Variants in DPYSL2 observed in about 807,000 individuals in gnomAD.
DPYSL2 encodes dihydropyrimidinase like 2.
DPYSL2 carries 13 observed loss-of-function variants against 69.9 expected under a neutral mutation model. That is an observed-to-expected ratio of 0.19 (90% CI 0.12 to 0.30). The LOEUF (loss-of-function observed/expected upper bound fraction) is 0.30. DPYSL2 is among the 10% of genes least tolerant of loss of function. DPYSL2 has a pLI of 1.00. For synonymous variants in DPYSL2, 326 were observed against 359.1 expected (o/e 0.91, Z 1.04); for missense variants, 587 against 918.9 (o/e 0.64, Z 4.67).
At chr8:26,551,345 C>T (rs1290896822) in intron 1 of DPYSL2, among the ~76,000 whole-genome samples, 1 of 152,132 alleles carries the variant, frequency 6.6e-6, no homozygotes, top group Admixed American at 6.5e-5. Flanking sequence ...TAAAGAGGGG[C>T]ACAACGTAAT....
chr8:26,550,670 T>G (rs1166665450), intron 1 of DPYSL2, among the ~76,000 whole-genome samples: 1 of 152,140 alleles, frequency 6.6e-6, no homozygotes, highest in Non-Finnish European at 1.5e-5. Context: ...AGATGACAAG[T>G]GGCTTATTAG....
rs1188204203 is a variant in DPYSL2 at position 26,621,689 on chromosome 8, G to A, written c.629-2454G>A. The stretch of plus-strand genomic sequence containing the variant: ...GGATGAGGAGATGCCCAAGTCAAGA[G>A]CGAGGGGAATGGGTTTCCAGAGAGA... On this transcript the variant is annotated intron_variant, in intron 3 of 13. Transcript: ENST00000521913. The surrounding 1 kb of genome is among the most constrained non-coding windows in gnomAD (Gnocchi z 4.9). 1.3e-5 allele frequency among the ~76,000 whole-genome samples: 2 copies of A among 152,156 alleles called. No homozygotes were observed. The highest frequency in any genetic ancestry group is 2.9e-5 in the Non-Finnish European group (2 of 68,040).
At chr8:26,570,490 C>A (rs1801218904) in intron 1 of DPYSL2, among the ~76,000 whole-genome samples, 1 of 152,168 alleles carries the variant, frequency 6.6e-6, no homozygotes, top group African/African-American at 2.4e-5. Flanking sequence ...CCTGTAATCC[C>A]AACACTGGGA....
chr8:26,567,166 A>C (rs899465227), intron 1 of DPYSL2, among the ~76,000 whole-genome samples: 1 of 150,362 alleles, frequency 6.7e-6, no homozygotes, highest in Non-Finnish European at 1.5e-5. Flanking sequence ...CCATCCATCC[A>C]TCCATCCATC....
In DPYSL2 at chr8:26,533,640, C is replaced by A. The variant is rs201057062; in HGVS notation, c.354+18961C>A. Among the ~76,000 whole-genome samples, 1 of 152,148 alleles carries A rather than the reference C, an allele frequency of 6.6e-6. No homozygotes were observed. On this transcript the variant is annotated intron_variant, in intron 1 of 13. Coordinates refer to ENST00000521913, the MANE Select transcript of DPYSL2 (RefSeq NM_001197293.3). This position sits in a 1 kb window ranked among gnomAD's most constrained non-coding sequence, Gnocchi z 4.8. ...TTAGCAAAAGCATTTTAGGAGATGG[C>A]AAGAAACTAGAGACAAAACATTGCC...
At chr8:26,607,443 A>C (rs1802130852) in intron 3 of DPYSL2, among the ~76,000 whole-genome samples, 1 of 150,146 alleles carries the variant, frequency 6.7e-6, no homozygotes, top group Admixed American at 6.7e-5. Flanking sequence ...AGATTGCGCC[A>C]CTGCACTGTA....
At chr8:26,548,941 C>A (rs968283545) in intron 1 of DPYSL2, among the ~76,000 whole-genome samples, 3 of 152,092 alleles carry the variant, frequency 2.0e-5, no homozygotes, top group East Asian at 1.9e-4. Context: ...ATAATCCCAG[C>A]ACTTTGGGAA....
chr8:26,622,172 T>TCTTA (rs1802507665), intron 3 of DPYSL2, among the ~76,000 whole-genome samples: 1 of 143,452 alleles, frequency 7.0e-6, no homozygotes, highest in African/African-American at 2.7e-5. Flanking sequence ...TCTCTCTCTT[T>TCTTA]CTTTCTTTCT....
rs978106181 is a variant in DPYSL2, at chr8:26,597,365, A to T, written c.628+13382A>T. Among the ~76,000 whole-genome samples the T allele has an allele frequency of 5.3e-5, 8 of 152,228 alleles. No individual in the cohort carries two copies. Among genetic ancestry groups the T allele is most frequent in the Non-Finnish European group, 1.2e-4 (8 of 68,048 alleles). On this transcript the variant is annotated intron_variant, in intron 3 of 13. Transcript: ENST00000521913. The surrounding 1 kb of genome is among the most constrained non-coding windows in gnomAD (Gnocchi z 5.2). ...GTTGCCTTGCCCTTGCCTGGCACTC[A>T]TCTTTTGCATTTCTCTGAATCGCTT...
At chr8:26,636,668 T>C (rs953306035) in intron 8 of DPYSL2, among the ~76,000 whole-genome samples, 2 of 152,114 alleles carry the variant, frequency 1.3e-5, no homozygotes, top group East Asian at 3.9e-4. Context: ...CTGGAGTGTG[T>C]TGTTGCGGTG....
At chr8:26,607,729 G>A (rs1012914177) in intron 3 of DPYSL2, among the ~76,000 whole-genome samples, 4 of 151,818 alleles carry the variant, frequency 2.6e-5, no homozygotes, top group Admixed American at 6.6e-5. Context: ...GGTTGAGGCT[G>A]CAGTGAGCTA....
intron 7 of DPYSL2, among the ~76,000 whole-genome samples, chr8:26,630,281 C>T (rs1802739240): frequency 6.6e-6 from 1 of 152,208 alleles, no homozygotes. Context: ...TGACTGCCCT[C>T]GCCAGATTCC....
chr8:26,644,173 C>T lies in DPYSL2; in HGVS notation c.1425+82C>T. On this transcript the variant is annotated intron_variant, in intron 10 of 13. Coordinates refer to ENST00000521913, the MANE Select transcript of DPYSL2 (RefSeq NM_001197293.3). The surrounding 1 kb of genome is among the most constrained non-coding windows in gnomAD (Gnocchi z 4.5). ...CTGGGGGCCATGGGGCTCATGGAGGCCTTGAAATGACAGACAGTGGAGGAC... is the reference window on the plus strand; with the variant it reads ...CTGGGGGCCATGGGGCTCATGGAGGTCTTGAAATGACAGACAGTGGAGGAC... The T allele has an allele frequency of 2.6e-6, 4 of 1,515,128 alleles. No individual in the cohort carries two copies. The highest frequency in any genetic ancestry group is 3.6e-6 in the Non-Finnish European group (4 of 1,125,072). 93.9% of individuals were successfully genotyped at this position (1,515,128 alleles called of 1,614,324 possible).
Position 26,656,471 on chromosome 8 carries a change from C to A in DPYSL2, c.*765C>A, listed in dbSNP as rs980624472. ...CTTTTACCATTTTTCTGCGTGCTCT[C>A]ACTCTCTCTTTCTCTCTCTAGCTTT... On this transcript the variant is annotated 3_prime_UTR_variant, in exon 14 of 14. Transcript: ENST00000521913. 5 of 152,216 alleles carry A rather than the reference C, an allele frequency of 3.3e-5. No homozygotes were observed. Among genetic ancestry groups the A allele is most frequent in the African/African-American group, 4.8e-5 (2 of 41,316 alleles). 9.4% of individuals were successfully genotyped at this position (152,216 alleles called of 1,614,324 possible).
rs10503787 is a variant in DPYSL2, at chr8:26,562,544, C to G, written c.355-19425C>G. On this transcript the variant is annotated intron_variant, in intron 1 of 13. Coordinates refer to ENST00000521913, the MANE Select transcript of DPYSL2 (RefSeq NM_001197293.3). This position sits in a 1 kb window ranked among gnomAD's most constrained non-coding sequence, Gnocchi z 4.9. ...AGTATTGGTCAGATTTTGTTGTTCC[C>G]GATTAGAATGCTTAAATGGTTTCGT... 6.6e-6 allele frequency among the ~76,000 whole-genome samples: 1 copy of G among 152,142 alleles called. No individual in the cohort carries two copies. Among genetic ancestry groups the G allele is most frequent in the South Asian group, 2.1e-4 (1 of 4,820 alleles).
intron 11 of DPYSL2, among the ~76,000 whole-genome samples, chr8:26,651,163 C>G (rs1803273270): frequency 1.3e-5 from 2 of 152,236 alleles, no homozygotes; most frequent in African/African-American, 4.8e-5. Flanking sequence ...TTCTGCATGA[C>G]TGCTTTGAGA....
chr8:26,578,668 C>T (rs1376720600), intron 1 of DPYSL2: 2 of 1,003,942 alleles, frequency 2.0e-6, no homozygotes, highest in Non-Finnish European at 2.4e-6. Flanking sequence ...GGGCTGCGTG[C>T]TGCGAGGCTG....
chr8:26,554,787 C>T (rs1002234978), intron 1 of DPYSL2, among the ~76,000 whole-genome samples: 2 of 152,064 alleles, frequency 1.3e-5, no homozygotes, highest in Non-Finnish European at 2.9e-5. Context: ...CAAAATTACC[C>T]TAATACCAAA....
At position 26,565,510 on chromosome 8, in the gene DPYSL2, T is replaced by C. The variant is rs1230387681; in HGVS notation, c.355-16459T>C. 1.3e-5 allele frequency among the ~76,000 whole-genome samples: 2 copies of C among 152,182 alleles called. No homozygotes were observed. Among genetic ancestry groups the C allele is most frequent in the Admixed American group, 1.3e-4 (2 of 15,272 alleles). ...TGTGGTTAGGGGATGAGGGCTCAGATAGCCCTTGGAGTGAATGGCTAAAGA... is the reference window on the plus strand; with the variant it reads ...TGTGGTTAGGGGATGAGGGCTCAGACAGCCCTTGGAGTGAATGGCTAAAGA... On this transcript the variant is annotated intron_variant, in intron 1 of 13. Transcript: ENST00000521913. This position sits in a 1 kb window ranked among gnomAD's most constrained non-coding sequence, Gnocchi z 4.1.
Sources: gnomAD v4.1 joint callset for allele counts (sites outside exome capture counted in the v4.1 genomes callset) on GRCh38, gnomAD v4.1.1 for gene constraint, Gnocchi (gnomAD v3.1) non-coding constraint, MANE v1.5 for transcripts, NCBI Gene and HGNC (gene_info 2026-07-23, HGNC 2026-07-21) for gene names.